LHX6: variants seen among roughly 807,000 people sequenced by gnomAD.
LHX6 encodes LIM homeobox 6.
In LHX6, 15 loss-of-function variants were observed where a neutral mutation model predicts 47.1. That is an observed-to-expected ratio of 0.32 (90% confidence interval 0.21 to 0.49). LHX6 has a LOEUF of 0.49. LHX6 is among the 20% of genes least tolerant of loss of function. The pLI is 0.99. For synonymous variants in LHX6, 242 were observed against 233.5 expected, an observed-to-expected ratio of 1.04 and a Z score of -0.33; for missense variants, 404 against 539.6, an observed-to-expected ratio of 0.75 and a Z score of 2.49.
At position 122,217,045 on chromosome 9, in the gene LHX6, G is replaced by A. The variant is rs762311400; in HGVS notation, c.682+23C>T. 1.2e-6 allele frequency: 2 copies of A among 1,602,958 alleles called. No homozygotes were observed. The highest frequency in any genetic ancestry group is 1.7e-6 in the Non-Finnish European group (2 of 1,170,242). Reference sequence around the variant, plus strand: ...GTGGGAAAGGGCTGGGGGCAGAGGTGCCAGGCGGAGCAGGTTGGGTACCGT... The same window carrying A: ...GTGGGAAAGGGCTGGGGGCAGAGGTACCAGGCGGAGCAGGTTGGGTACCGT... On this transcript the variant is annotated intron_variant, in intron 5 of 9. Transcript: ENST00000394319. This position sits in a 1 kb window ranked among gnomAD's most constrained non-coding sequence, Gnocchi z 4.9.
chr9:122,219,468 C>T (rs913897662), intron 4 of LHX6, among the ~76,000 whole-genome samples: 4 of 152,188 alleles, frequency 2.6e-5, no homozygotes, highest in Non-Finnish European at 2.9e-5. Context: ...CCAGCCTACT[C>T]CCCCTCGAAG....
chr9:122,223,803 T>C (rs1830975737), intron 4 of LHX6, among the ~76,000 whole-genome samples: 1 of 152,158 alleles, frequency 6.6e-6, no homozygotes, highest in Non-Finnish European at 1.5e-5. Flanking sequence ...CAGTCCAGCA[T>C]GGGCATGGGC....
At chr9:122,228,330 C>G in intron 1 of LHX6, 1 of 1,534,322 alleles carries the variant, frequency 6.5e-7, no homozygotes. Context: ...GGATTCTCAG[C>G]GCTGCGCCGG....
chr9:122,219,006 G>C (rs1437620035), intron 4 of LHX6, among the ~76,000 whole-genome samples: 4 of 152,156 alleles, frequency 2.6e-5, no homozygotes, highest in Non-Finnish European at 4.4e-5. Flanking sequence ...GGTTGGGTGT[G>C]GGGGACCAAG....
chr9:122,215,322 T>C (rs1409499377), intron 5 of LHX6, among the ~76,000 whole-genome samples: 1 of 152,240 alleles, frequency 6.6e-6, no homozygotes, highest in African/African-American at 2.4e-5. Context: ...GCAATCGTTA[T>C]TTTCTTCTTT....
intron 9 of LHX6, among the ~76,000 whole-genome samples, chr9:122,206,997 G>A (rs1020533571): frequency 2.0e-5 from 3 of 152,030 alleles, no homozygotes; most frequent in Non-Finnish European, 4.4e-5. Flanking sequence ...CAAGTTTCTC[G>A]CCTACTCCAG....
At chr9:122,224,586 C>G (rs1476784712) in intron 4 of LHX6, among the ~76,000 whole-genome samples, 2 of 152,224 alleles carry the variant, frequency 1.3e-5, no homozygotes, top group Non-Finnish European at 2.9e-5. Flanking sequence ...CAGGAATGCC[C>G]CCTCAGAGGA....
At chr9:122,223,661 T>C (rs1312828758) in intron 4 of LHX6, among the ~76,000 whole-genome samples, 1 of 152,112 alleles carries the variant, frequency 6.6e-6, no homozygotes, top group African/African-American at 2.4e-5. Flanking sequence ...CCACAGTGGC[T>C]GCACACCCTA....
chr9:122,221,283 C>G (rs1267188704), intron 4 of LHX6: 5 of 985,504 alleles, frequency 5.1e-6, no homozygotes, highest in Non-Finnish European at 6.0e-6. Context: ...TCGGAGGTCC[C>G]GGCCCCGAGG....
At position 122,214,224 on chromosome 9, in the gene LHX6, C is replaced by A; in HGVS notation, c.783+59G>T. ...GAGGGGCGGAGCCAGGAGACATTGT[C>A]GGCCCCGCCCACTTTCGGCCCGGCC... On this transcript the variant is annotated intron_variant, in intron 6 of 9. Transcript: ENST00000394319. This position sits in a 1 kb window ranked among gnomAD's most constrained non-coding sequence, Gnocchi z 4.6. 6 of 1,325,858 alleles carry A rather than the reference C, an allele frequency of 4.5e-6. No individual in the cohort carries two copies. The highest frequency in any genetic ancestry group is 1.3e-5 in the South Asian group (1 of 74,546). The allele number at this position is 1,325,858 out of a possible 1,614,324, so 82.1% of individuals were successfully genotyped here. A position where few individuals can be genotyped will look rare whatever the true frequency, so the allele number is the denominator to read the frequency against.
chr9:122,217,012 G>T lies in LHX6; in HGVS notation c.682+56C>A. The T allele has an allele frequency of 6.8e-7, 1 of 1,461,016 alleles. No homozygotes were observed. Among genetic ancestry groups the T allele is most frequent in the Non-Finnish European group, 9.5e-7 (1 of 1,049,048 alleles). 90.5% of individuals were successfully genotyped at this position (1,461,016 alleles called of 1,614,324 possible). ...TGGGTGGTTCCTGGGGTGCTGGGGT[G>T]GGGTGGGGTGGGAAAGGGCTGGGGG... is the stretch of plus-strand genomic sequence containing the variant. On this transcript the variant is annotated intron_variant, in intron 5 of 9. Coordinates refer to ENST00000394319, the MANE Select transcript of LHX6 (RefSeq NM_014368.5). This position sits in a 1 kb window ranked among gnomAD's most constrained non-coding sequence, Gnocchi z 4.9.
intron 4 of LHX6, among the ~76,000 whole-genome samples, chr9:122,219,873 G>A (rs1285509633): frequency 6.6e-6 from 1 of 152,240 alleles, no homozygotes; most frequent in Non-Finnish European, 1.5e-5. Context: ...AGCGGGGCTG[G>A]TCTGGCAGCG....
In LHX6 at chr9:122,213,501, C is replaced by T. The variant is rs1830467465; in HGVS notation, c.1054+105G>A. ...GGGTCCCGCTTCTTCACCCACGAGG[C>T]TCCCCAAGGCCCTCCACCCCACGCC... On this transcript the variant is annotated intron_variant, in intron 8 of 9. Transcript: ENST00000394319. This position sits in a 1 kb window ranked among gnomAD's most constrained non-coding sequence, Gnocchi z 5.5. 1.8e-5 allele frequency: 19 copies of T among 1,042,680 alleles called. No individual in the cohort carries two copies. Among genetic ancestry groups the T allele is most frequent in the Non-Finnish European group, 2.2e-5 (16 of 742,902 alleles). The allele number at this position is 1,042,680 out of a possible 1,614,324, so 64.6% of individuals were successfully genotyped here.
intron 4 of LHX6, among the ~76,000 whole-genome samples, chr9:122,219,484 A>G (rs535545461): frequency 6.6e-6 from 1 of 152,058 alleles, no homozygotes; most frequent in South Asian, 2.1e-4. Flanking sequence ...CGAAGAGCCG[A>G]CCCCGGGTTC....
intron 8 of LHX6, 121 bp from the exon 9 acceptor site, chr9:122,209,838 G>A (rs1448947155): frequency 5.0e-6 from 3 of 597,422 alleles, no homozygotes; most frequent in Non-Finnish European, 9.0e-6. Context: ...TTACCTCCTG[G>A]GTAGCCCTGG....
Position 122,226,740 on chromosome 9 carries a change from A to G in LHX6, c.339+108T>C. On this transcript the variant is annotated intron_variant, in intron 3 of 9. Transcript: ENST00000394319. This position sits in a 1 kb window ranked among gnomAD's most constrained non-coding sequence, Gnocchi z 6.5. Reference sequence around the variant, plus strand: ...GCCCAAAGCTTCGCAGTCGGGCAGCAGTGGAGCCAGGATTTGGAAGTAAGA... The same window carrying G: ...GCCCAAAGCTTCGCAGTCGGGCAGCGGTGGAGCCAGGATTTGGAAGTAAGA... 2.2e-6 allele frequency: 3 copies of G among 1,336,160 alleles called. No individual in the cohort carries two copies. Among genetic ancestry groups the G allele is most frequent in the Non-Finnish European group, 3.0e-6 (3 of 988,120 alleles). The allele number at this position is 1,336,160 out of a possible 1,614,324, so 82.8% of individuals were successfully genotyped here.
chr9:122,221,604 T>C (rs1040892343), intron 4 of LHX6: 1 of 985,522 alleles, frequency 1.0e-6, no homozygotes, highest in African/African-American at 1.7e-5. Flanking sequence ...GTTAACCCTT[T>C]ACTCCCCACT....
chr9:122,222,594 A>G (rs1281494452), intron 4 of LHX6, among the ~76,000 whole-genome samples: 7 of 152,220 alleles, frequency 4.6e-5, no homozygotes, highest in Non-Finnish European at 1.0e-4. Context: ...CAAATGAGCC[A>G]GGAGCAGCAC....
chr9:122,211,994 A>T (rs1830414432), intron 8 of LHX6, among the ~76,000 whole-genome samples: 1 of 152,210 alleles, frequency 6.6e-6, no homozygotes, highest in South Asian at 2.1e-4. Flanking sequence ...GGAACTATAT[A>T]AAGAGACATG....
Sources: gnomAD v4.1 joint callset for allele counts (sites outside exome capture counted in the v4.1 genomes callset) on GRCh38, gnomAD v4.1.1 for gene constraint, Gnocchi (gnomAD v3.1) non-coding constraint, MANE v1.5 for transcripts, NCBI Gene and HGNC (gene_info 2026-07-23, HGNC 2026-07-21) for gene names.